Variants in PUS10 observed in about 807,000 individuals in gnomAD.
The protein encoded by PUS10 is tRNA pseudouridine synthase Pus10.
In PUS10, 59 loss-of-function variants were observed where a neutral mutation model predicts 75.0. The observed-to-expected ratio is 0.79, with a 90% CI of 0.64 to 0.98. PUS10 has a LOEUF of 0.98. Among genes scored for constraint, PUS10 ranks in the 50% least tolerant of loss-of-function variants. The probability of loss-of-function intolerance (pLI) is 0.00; values close to 1 mark genes in which losing one functional copy is unlikely to be tolerated. For synonymous variants in PUS10, 219 were observed against 211.6 expected (o/e 1.03, Z -0.30); for missense variants, 650 against 614.4 (o/e 1.06, Z -0.61).
At chr2:60,976,361 C>A (rs1345282073) in intron 4 of PUS10, among the ~76,000 whole-genome samples, 2 of 152,212 alleles carry the variant, frequency 1.3e-5, no homozygotes, top group African/African-American at 4.8e-5. Flanking sequence ...TCAATGAAAT[C>A]TGAGCTATAG....
intron 5 of PUS10, among the ~76,000 whole-genome samples, chr2:60,968,224 G>T (rs1676457890): frequency 6.6e-6 from 1 of 152,082 alleles, no homozygotes; most frequent in African/African-American, 2.4e-5. Flanking sequence ...AATAGGTTTT[G>T]GGAAGTCCCT....
chr2:60,941,251 A>G lies in PUS10; in HGVS notation c.*1144T>C, dbSNP rs1674613837. The G allele has an allele frequency of 6.6e-6, 1 of 152,298 alleles. No individual in the cohort carries two copies. The highest frequency in any genetic ancestry group is 2.4e-5 in the African/African-American group (1 of 41,444). 9.4% of individuals were successfully genotyped at this position (152,298 alleles called of 1,614,324 possible). A position where few individuals can be genotyped will look rare whatever the true frequency, so the allele number is the denominator to read the frequency against. ...TAACTTAATAACAAATGGTAACTAT[A>G]TAAGATTGTATTAAATAGTCTTGGG... On this transcript the variant is annotated 3_prime_UTR_variant, in exon 18 of 18. Coordinates refer to ENST00000316752, the MANE Select transcript of PUS10 (RefSeq NM_144709.4).
At position 60,942,449 on chromosome 2, in the gene PUS10, G is replaced by C. The variant is rs1473969391; in HGVS notation, c.1552-16C>G. On this transcript the variant is annotated splice_polypyrimidine_tract_variant and intron_variant, in intron 17 of 17. Transcript: ENST00000316752. ...CATCTACAGACTAGAAGGGAGAAAA[G>C]AAGTCATTAAAACAGATATTACTGT... The C allele has an allele frequency of 6.2e-7, 1 of 1,604,762 alleles. No individual in the cohort carries two copies. The highest frequency in any genetic ancestry group is 1.1e-5 in the South Asian group (1 of 90,874).
chr2:60,965,046 A>C lies in PUS10; in HGVS notation c.723+12T>G. 2 of 1,612,716 alleles carry C rather than the reference A, an allele frequency of 1.2e-6. No homozygotes were observed. The highest frequency in any genetic ancestry group is 1.7e-6 in the Non-Finnish European group (2 of 1,179,032). On this transcript the variant is annotated intron_variant, in intron 8 of 17. Transcript: ENST00000316752. ...ACTCACTCAAGACTAAGAAGCGGGA[A>C]CCTTTCCTTACCTGTTTGTTTTTGG...
intron 4 of PUS10, among the ~76,000 whole-genome samples, chr2:60,971,762 G>C (rs1676677370): frequency 6.6e-6 from 1 of 151,882 alleles, no homozygotes; most frequent in Non-Finnish European, 1.5e-5. Flanking sequence ...TGCAATGGTG[G>C]TTTACTGTGG....
chr2:61,012,887 T>TATATATATAC (rs67357917), intron 1 of PUS10, among the ~76,000 whole-genome samples: 29 of 88,900 alleles, frequency 3.3e-4, no homozygotes, highest in Non-Finnish European at 3.8e-4. Flanking sequence ...TATATATATA[T>TATATATATAC]ACACACACAC....
intron 4 of PUS10, among the ~76,000 whole-genome samples, chr2:60,989,248 T>C (rs959168000): frequency 2.0e-5 from 3 of 151,760 alleles, no homozygotes; most frequent in South Asian, 4.2e-4. Flanking sequence ...ATAAAGAAAA[T>C]TGACTGTTTG....
intron 4 of PUS10, among the ~76,000 whole-genome samples, chr2:60,995,503 A>G (rs1028312953): frequency 6.6e-6 from 1 of 152,236 alleles, no homozygotes; most frequent in Non-Finnish European, 1.5e-5. Flanking sequence ...TGGTATCAGA[A>G]AAAAGGACAG....
At chr2:61,003,016 C>T (rs1398070350) in intron 4 of PUS10, among the ~76,000 whole-genome samples, 1 of 152,120 alleles carries the variant, frequency 6.6e-6, no homozygotes, top group Non-Finnish European at 1.5e-5. Context: ...TTAGCTAGTT[C>T]CTTCTAAGAA....
chr2:60,957,977 T>A (rs1675786793), intron 11 of PUS10, among the ~76,000 whole-genome samples: 1 of 152,246 alleles, frequency 6.6e-6, no homozygotes, highest in Non-Finnish European at 1.5e-5. Context: ...GAGCCACTAT[T>A]GTCTGTAAAA....
chr2:60,981,291 TA>T (rs767939685), intron 4 of PUS10, among the ~76,000 whole-genome samples: 5 of 152,136 alleles, frequency 3.3e-5, no homozygotes, highest in African/African-American at 4.8e-5. Context: ...TAAATTAAAT[TA>T]TTTTTTTTGA....
rs753729577 is a variant in PUS10 at position 61,011,757 on chromosome 2, G to C, written c.126+8C>G. The C allele has an allele frequency of 1.2e-5, 17 of 1,402,372 alleles. No homozygotes were observed. Among genetic ancestry groups the C allele is most frequent in the African/African-American group, 1.6e-5 (1 of 63,278 alleles). 86.9% of individuals were successfully genotyped at this position (1,402,372 alleles called of 1,614,324 possible). On this transcript the variant is annotated splice_region_variant and intron_variant, in intron 2 of 17. Transcript: ENST00000316752. ...ATTTGAAAAAAAAAAAAAAAGAAAA[G>C]AAAATACCTTGTATGGAAGTTTGTA...
intron 1 of PUS10, among the ~76,000 whole-genome samples, chr2:61,016,891 G>A (rs972208607): frequency 6.6e-6 from 1 of 152,160 alleles, no homozygotes; most frequent in African/African-American, 2.4e-5. Context: ...GATTTACGGA[G>A]AAAGAGGTGA....
chr2:61,005,408 A>C (rs1194849153), intron 4 of PUS10, among the ~76,000 whole-genome samples: 2 of 152,254 alleles, frequency 1.3e-5, no homozygotes, highest in Non-Finnish European at 2.9e-5. Flanking sequence ...AAAAATATAA[A>C]CTTTGATTCA....
intron 17 of PUS10, among the ~76,000 whole-genome samples, chr2:60,943,943 C>T (rs1430116525): frequency 1.3e-5 from 2 of 151,764 alleles, no homozygotes; most frequent in Admixed American, 6.6e-5. Flanking sequence ...CTGGGCAACA[C>T]GGTGAGACCC....
At chr2:60,956,974 CAAAAAAAAAAAAAAAA>C (rs56804354) in intron 11 of PUS10, among the ~76,000 whole-genome samples, 1 of 19,248 alleles carries the variant, frequency 5.2e-5, no homozygotes, top group Admixed American at 9.1e-4. Flanking sequence ...GACTCCATCT[CAAAAAAAAAAAAAAAA>C]AAAAAAAAAA....
At chr2:60,970,649 C>T (rs983908025) in intron 5 of PUS10, among the ~76,000 whole-genome samples, 2 of 151,932 alleles carry the variant, frequency 1.3e-5, no homozygotes, top group African/African-American at 4.8e-5. Context: ...ACCCCAGAGC[C>T]TGGGCGGGGG....
chr2:60,980,292 T>A (rs113898510), intron 4 of PUS10, among the ~76,000 whole-genome samples: 177 of 152,314 alleles, frequency 1.2e-3, no homozygotes, highest in African/African-American at 4.1e-3. Flanking sequence ...GCAAATGTAC[T>A]CCCTCTTTGA....
chr2:60,959,587 C>T (rs946749964), intron 11 of PUS10, among the ~76,000 whole-genome samples: 2 of 152,084 alleles, frequency 1.3e-5, no homozygotes, highest in South Asian at 2.1e-4. Context: ...CAGGGTCTCA[C>T]CATGTTGCCC....
Sources: allele counts gnomAD v4.1 joint callset (sites outside exome capture counted in the v4.1 genomes callset), GRCh38; gene constraint gnomAD v4.1.1; transcripts MANE v1.5; gene names NCBI Gene and HGNC (gene_info 2026-07-23, HGNC 2026-07-21).